The following ABCA1 variants were observed in gnomAD, a reference collection of about 807,000 sequenced individuals.
ABCA1 encodes ATP binding cassette subfamily A member 1, also known as phospholipid-transporting ATPase ABCA1.
A neutral mutation model predicts 262.5 loss-of-function variants in ABCA1; 133 were observed. The observed-to-expected ratio is 0.51, with a 90% CI of 0.44 to 0.59. The LOEUF is 0.59. Among genes scored for constraint, ABCA1 ranks in the 20% least tolerant of loss-of-function variants. ABCA1 has a pLI of 0.00. For missense variants in ABCA1, 2,452 were observed against 2,777.5 expected, an observed-to-expected ratio of 0.88 and a Z score of 2.63; for synonymous variants, 1,022 against 1,043.5, an observed-to-expected ratio of 0.98 and a Z score of 0.40.
intron 1 of ABCA1, among the ~76,000 whole-genome samples, chr9:104,923,504 T>C (rs1312189785): frequency 1.3e-5 from 2 of 152,110 alleles, no homozygotes; most frequent in Non-Finnish European, 2.9e-5. Context: ...ACAAGGAAAA[T>C]ATGATACAGG....
intron 5 of ABCA1, among the ~76,000 whole-genome samples, chr9:104,878,433 T>C (rs1838333792): frequency 6.6e-6 from 1 of 152,180 alleles, no homozygotes; most frequent in South Asian, 2.1e-4. Flanking sequence ...TGGGAGTTCT[T>C]CCCAGTTGAA....
intron 5 of ABCA1, among the ~76,000 whole-genome samples, chr9:104,881,106 G>C (rs546089808): frequency 1.3e-5 from 2 of 152,036 alleles, no homozygotes; most frequent in Non-Finnish European, 2.9e-5. Context: ...CCAAGACTGC[G>C]CCACTGCACT....
intron 5 of ABCA1, among the ~76,000 whole-genome samples, chr9:104,872,906 T>C (rs931097060): frequency 1.3e-5 from 2 of 152,266 alleles, no homozygotes; most frequent in Admixed American, 1.3e-4. Context: ...TCGAATGCAA[T>C]TGTGTTTTCT....
chr9:104,792,964 C>T lies in ABCA1; in HGVS notation c.5637-58G>A, dbSNP rs543460693. 20 of 1,611,462 alleles carry T rather than the reference C, an allele frequency of 1.2e-5. No individual in the cohort carries two copies. The East Asian group carries it at 3.8e-4, about 31-fold the overall frequency. ...CAAACTATTTTTCAGGACAAAGATTCAGTCTCTAACGTAGTATTATAAAAC... is the reference window on the plus strand; with the variant it reads ...CAAACTATTTTTCAGGACAAAGATTTAGTCTCTAACGTAGTATTATAAAAC... On this transcript the variant is annotated intron_variant, in intron 41 of 49. Coordinates refer to ENST00000374736, the MANE Select transcript of ABCA1 (RefSeq NM_005502.4).
At chr9:104,828,828 T>G in intron 15 of ABCA1, 88 bp downstream of exon 15, 1 of 1,346,088 alleles carries the variant, frequency 7.4e-7, no homozygotes, top group Non-Finnish European at 1.0e-6. Context: ...ACCAGAGGCT[T>G]GGATTTTTTT....
chr9:104,804,517 T>C, intron 32 of ABCA1, 109 bp downstream of exon 32: 1 of 888,562 alleles, frequency 1.1e-6, no homozygotes. Flanking sequence ...ATAGACAGAA[T>C]CAGGCCATAA....
In ABCA1 at chr9:104,786,868, C is replaced by T. The variant is rs914972418; in HGVS notation, c.6308+5G>A. 7 of 1,610,484 alleles carry T rather than the reference C, an allele frequency of 4.3e-6. No individual in the cohort carries two copies. Among genetic ancestry groups the T allele is most frequent in the Non-Finnish European group, 4.2e-6 (5 of 1,176,842 alleles). On this transcript the variant is annotated splice_donor_5th_base_variant and intron_variant, in intron 47 of 49. Coordinates refer to ENST00000374736, the MANE Select transcript of ABCA1 (RefSeq NM_005502.4). ...CAGTGAGGAACCCAAGACTTTACTACGGACCTATGAGATGTAAGCACTACT... is the reference window on the plus strand; with the variant it reads ...CAGTGAGGAACCCAAGACTTTACTATGGACCTATGAGATGTAAGCACTACT...
At chr9:104,830,844 C>T in intron 14 of ABCA1, 81 bp downstream of exon 14, 1 of 1,472,784 alleles carries the variant, frequency 6.8e-7, no homozygotes, top group Non-Finnish European at 9.5e-7. Context: ...TTCACACATG[C>T]ATGCACATGC....
chr9:104,880,732 A>G (rs1359772088), intron 5 of ABCA1, among the ~76,000 whole-genome samples: 1 of 152,142 alleles, frequency 6.6e-6, no homozygotes, highest in Non-Finnish European at 1.5e-5. Context: ...GAGAGATGTA[A>G]AACAAGCACT....
intron 2 of ABCA1, among the ~76,000 whole-genome samples, chr9:104,896,506 AG>A: frequency 1.3e-5 from 2 of 152,238 alleles, no homozygotes; most frequent in South Asian, 4.1e-4. Flanking sequence ...GAGCTTGATA[AG>A]GTAATAACAT....
rs1236870997 is a variant in ABCA1 at position 104,791,038 on chromosome 9, A to G, written c.5821-10T>C. The G allele has an allele frequency of 1.2e-6, 2 of 1,606,120 alleles. No individual in the cohort carries two copies. The highest frequency in any genetic ancestry group is 2.2e-5 in the South Asian group (2 of 90,924). Reference sequence around the variant, plus strand: ...CCAGGAGCCCAAAGCACTGAAAAGGAAAGATTAAGTTGTATAAGCAAACTC... The same window carrying G: ...CCAGGAGCCCAAAGCACTGAAAAGGGAAGATTAAGTTGTATAAGCAAACTC... On this transcript the variant is annotated splice_polypyrimidine_tract_variant and intron_variant, in intron 43 of 49. Transcript: ENST00000374736.
At chr9:104,827,198 C>T in intron 15 of ABCA1, 29 bp from the exon 16 acceptor site, 1 of 1,575,780 alleles carries the variant, frequency 6.3e-7, no homozygotes, top group Non-Finnish European at 8.7e-7. Flanking sequence ...ATCAAATGTG[C>T]TGCCTCAACA....
Position 104,916,834 on chromosome 9 carries a change from C to T in ABCA1, c.-93+11101G>A, listed in dbSNP as rs181563466. Among the ~76,000 whole-genome samples the T allele has an allele frequency of 3.6e-3, 544 of 151,958 alleles. 3 individuals are homozygous for T. The highest frequency in any genetic ancestry group is 0.012 in the African/African-American group (510 of 41,326). ...TGCTGTGATTACAGGTGTGAGCCAC[C>T]GTGCCCAGCCAGAAAATATGTCTTT... On this transcript the variant is annotated intron_variant, in intron 1 of 49. Coordinates refer to ENST00000374736, the MANE Select transcript of ABCA1 (RefSeq NM_005502.4).
At chr9:104,821,980 T>C (rs747105756) in intron 19 of ABCA1, among the ~76,000 whole-genome samples, 2 of 152,296 alleles carry the variant, frequency 1.3e-5, no homozygotes, top group Non-Finnish European at 2.9e-5. Context: ...CCCAAAGATA[T>C]ACCCTTTGGA....
rs77943163 is a variant in ABCA1, at chr9:104,858,817, G to T, written c.544-119C>A. On this transcript the variant is annotated intron_variant, in intron 6 of 49. Transcript: ENST00000374736. Reference sequence around the variant, plus strand: ...TACAGCTTTGAAGATCTTAAAACAGGTTCCATTGCAACAGTCCAATGCATC... The same window carrying T: ...TACAGCTTTGAAGATCTTAAAACAGTTTCCATTGCAACAGTCCAATGCATC... 1.2e-3 allele frequency: 1,214 copies of T among 1,011,528 alleles called. 3 individuals carry two copies. The African/African-American group carries it at 0.016, about 13-fold the overall frequency. 62.7% of individuals were successfully genotyped at this position (1,011,528 alleles called of 1,614,324 possible).
rs189816379 is a variant in ABCA1 at position 104,806,740 on chromosome 9, G to A, written c.4275-310C>T. Among the ~76,000 whole-genome samples the A allele has an allele frequency of 4.6e-5, 7 of 152,218 alleles. No individual in the cohort carries two copies. In the East Asian group the frequency reaches 9.6e-4, roughly 21 times the overall value. On this transcript the variant is annotated intron_variant, in intron 30 of 49. Transcript: ENST00000374736. ...CCATTTGCTCACACAACAAACATTC[G>A]TTGAGCATCTACTACGTGCCAGATG...
At chr9:104,924,326 G>C (rs1842305694) in intron 1 of ABCA1, among the ~76,000 whole-genome samples, 2 of 151,974 alleles carry the variant, frequency 1.3e-5, no homozygotes, top group Admixed American at 6.6e-5. Flanking sequence ...AAATGTATTT[G>C]AGGCCAGGTG....
chr9:104,815,743 T>C (rs1361533404), intron 25 of ABCA1, among the ~76,000 whole-genome samples: 1 of 152,244 alleles, frequency 6.6e-6, no homozygotes, highest in Non-Finnish European at 1.5e-5. Flanking sequence ...CTCCTGATTC[T>C]GATTCAGTAG....
At chr9:104,863,533 G>T (rs1039640409) in intron 5 of ABCA1, among the ~76,000 whole-genome samples, 32 of 152,206 alleles carry the variant, frequency 2.1e-4, no homozygotes, top group Non-Finnish European at 1.8e-4. Context: ...GGAGCTAAGA[G>T]GGTCACATGC....
Sources: allele counts gnomAD v4.1 joint callset (sites outside exome capture counted in the v4.1 genomes callset), GRCh38; gene constraint gnomAD v4.1.1; transcripts MANE v1.5; gene names NCBI Gene and HGNC (gene_info 2026-07-23, HGNC 2026-07-21).